The following ZFP1 variants were observed in gnomAD, a reference collection of about 807,000 sequenced individuals.
ZFP1 encodes the protein zinc finger protein 1 homolog.
ZFP1 carries 32 observed loss-of-function variants against 38.5 expected under a neutral mutation model. The ratio of observed to expected loss-of-function variants is 0.83; its 90% confidence interval spans 0.63 to 1.12. The LOEUF (loss-of-function observed/expected upper bound fraction) is 1.12, where lower values mean the gene tolerates loss of function less well. ZFP1 is among the 50% of genes most tolerant of loss of function. The pLI, the probability that ZFP1 is intolerant of heterozygous loss-of-function variation, is 0.00. For synonymous variants in ZFP1, 245 were observed against 168.8 expected, an observed-to-expected ratio of 1.45 and a Z score of -3.50; for missense variants, 616 against 480.8, an observed-to-expected ratio of 1.28 and a Z score of -2.63.
chr16:75,169,948 A>G lies in ZFP1; in HGVS notation c.838A>G (p.Lys280Glu). 1.2e-6 allele frequency: 2 copies of G among 1,614,198 alleles called. No homozygotes were observed. Among genetic ancestry groups the G allele is most frequent in the Non-Finnish European group, 1.7e-6 (2 of 1,180,030 alleles). The part of the protein sequence containing the change: ...CSECGKTFAQ[K>E]FELTTHQRIH... ...TGAATGTGGAAAGACATTTGCCCAAAAGTTTGAACTCACCACACACCAGAG... is the reference window on the plus strand; with the variant it reads ...TGAATGTGGAAAGACATTTGCCCAAGAGTTTGAACTCACCACACACCAGAG... Residue 280 changes from lysine to glutamate, a missense_variant, in exon 4 of 4, where the codon AAG becomes GAG. Physicochemically the swap from Lys to Glu is moderately conservative, Grantham distance 56. Coordinates refer to ENST00000570010, the MANE Select transcript of ZFP1 (RefSeq NM_153688.4).
chr16:75,132,163 A>G, the ZFP1 span, among the ~76,000 whole-genome samples: 67,610 of 151,696 alleles, frequency 0.45, 15,545 homozygotes, highest in Middle Eastern at 0.56. Context: ...CAAGGCGGGG[A>G]GATCACTTGA....
chr16:75,158,021 T>C (rs1267979605), intron 2 of ZFP1, among the ~76,000 whole-genome samples: 1 of 151,888 alleles, frequency 6.6e-6, no homozygotes, highest in Non-Finnish European at 1.5e-5. Flanking sequence ...CCCCTAGGCT[T>C]ACGAGATCTG....
At position 75,170,704 on chromosome 16, in the gene ZFP1, C is replaced by G. The variant is rs2038378302; in HGVS notation, c.*370C>G. ...AAAACACAAGTGGTATGCTTTAGAT[C>G]TGCACATGTGAATTTAGCATAATCA... On this transcript the variant is annotated 3_prime_UTR_variant, in exon 4 of 4. Coordinates refer to ENST00000570010, the MANE Select transcript of ZFP1 (RefSeq NM_153688.4). 1.2e-5 allele frequency: 2 copies of G among 173,526 alleles called. No individual in the cohort carries two copies. Among genetic ancestry groups the G allele is most frequent in the Non-Finnish European group, 2.4e-5 (2 of 81,914 alleles). The allele number at this position is 173,526 out of a possible 1,614,324, so 10.7% of individuals were successfully genotyped here.
At chr16:75,158,844 A>G (rs369487906) in intron 2 of ZFP1, among the ~76,000 whole-genome samples, 2 of 150,902 alleles carry the variant, frequency 1.3e-5, no homozygotes, top group African/African-American at 4.9e-5. Flanking sequence ...AAACTAATAT[A>G]TAGGTACTGT....
the ZFP1 span, among the ~76,000 whole-genome samples, chr16:75,135,569 C>T: frequency 1.3e-5 from 2 of 152,144 alleles, no homozygotes; most frequent in African/African-American, 4.8e-5. Context: ...GAGTTCAAAG[C>T]TGTCCTCGAG....
chr16:75,136,430 C>G, the ZFP1 span, among the ~76,000 whole-genome samples: 1 of 152,152 alleles, frequency 6.6e-6, no homozygotes, highest in Non-Finnish European at 1.5e-5. Context: ...TGGTAGGAGC[C>G]AGGCTTCTCA....
the ZFP1 span, among the ~76,000 whole-genome samples, chr16:75,135,055 A>AG: frequency 1.3e-4 from 12 of 95,208 alleles, no homozygotes; most frequent in South Asian, 4.8e-4. Flanking sequence ...ACTCCATCTC[A>AG]AAAAAAAAAC....
At chr16:75,163,316 G>GT (rs975055344) in intron 2 of ZFP1, among the ~76,000 whole-genome samples, 9 of 148,274 alleles carry the variant, frequency 6.1e-5, no homozygotes, top group African/African-American at 2.0e-4. Context: ...GTTTTGTTTT[G>GT]TTTTTTTGAG....
At chr16:75,157,789 C>A (rs1035777712) in intron 2 of ZFP1, among the ~76,000 whole-genome samples, 1 of 151,914 alleles carries the variant, frequency 6.6e-6, no homozygotes, top group Non-Finnish European at 1.5e-5. Context: ...CCTACCTCTT[C>A]TGGGTTGGTT....
the ZFP1 span, among the ~76,000 whole-genome samples, chr16:75,123,009 T>C: frequency 3.4e-3 from 512 of 152,320 alleles, 2 homozygotes; most frequent in African/African-American, 0.012. Context: ...CTCATAATTT[T>C]GAATCTAAAG....
chr16:75,140,784 C>A, the ZFP1 span, among the ~76,000 whole-genome samples: 117 of 152,282 alleles, frequency 7.7e-4, no homozygotes, highest in South Asian at 3.1e-3. Context: ...GCGGTGAAAC[C>A]CCGTCTCTAC....
the ZFP1 span, among the ~76,000 whole-genome samples, chr16:75,138,766 G>A: frequency 6.6e-6 from 1 of 152,216 alleles, no homozygotes; most frequent in Non-Finnish European, 1.5e-5. Context: ...AAGAAGCATG[G>A]CAGGCTGCCC....
chr16:75,168,111 C>A (rs2038199480), intron 3 of ZFP1, among the ~76,000 whole-genome samples: 1 of 152,118 alleles, frequency 6.6e-6, no homozygotes, highest in Non-Finnish European at 1.5e-5. Context: ...CCTGCCTTGG[C>A]CTCCCAAAGT....
rs368243920 is a variant in ZFP1, at chr16:75,166,920, C to T, written c.142+24C>T. 5 of 1,609,278 alleles carry T rather than the reference C, an allele frequency of 3.1e-6. No homozygotes were observed. In the African/African-American group the frequency reaches 4.0e-5, roughly 13 times the overall value. On this transcript the variant is annotated intron_variant, in intron 3 of 3. Coordinates refer to ENST00000570010, the MANE Select transcript of ZFP1 (RefSeq NM_153688.4). ...GGGTAAGGACGGTTTTCAGGTACAG[C>T]TCACCATGTGCCTAGAGGTATTTAT...
At chr16:75,157,678 A>T (rs972618758) in intron 2 of ZFP1, among the ~76,000 whole-genome samples, 2 of 152,200 alleles carry the variant, frequency 1.3e-5, no homozygotes, top group Non-Finnish European at 2.9e-5. Flanking sequence ...ATGTGTGCAC[A>T]CATATGATTC....
At chr16:75,127,414 T>C in the ZFP1 span, among the ~76,000 whole-genome samples, 1 of 151,964 alleles carries the variant, frequency 6.6e-6, no homozygotes, top group African/African-American at 2.4e-5. Flanking sequence ...AGCATGAGCA[T>C]GAAGAGGGAA....
Position 75,166,498 on chromosome 16 carries a change from G to A in ZFP1, c.16-272G>A, listed in dbSNP as rs1245366969. The A allele has an allele frequency of 8.2e-6, 8 of 977,126 alleles. No homozygotes were observed. The East Asian group carries it at 9.1e-4, about 111-fold the overall frequency. The allele number at this position is 977,126 out of a possible 1,614,324, so 60.5% of individuals were successfully genotyped here. A position where few individuals can be genotyped will look rare whatever the true frequency, so the allele number is the denominator to read the frequency against. On this transcript the variant is annotated intron_variant, in intron 2 of 3. Transcript: ENST00000570010. ...GCCCACCTAGCCTCCCAAAGTGCTG[G>A]GATTACAGGTGTGAGCCACTATGCC...
the ZFP1 span, among the ~76,000 whole-genome samples, chr16:75,137,757 C>T: frequency 2.0e-5 from 3 of 151,998 alleles, no homozygotes; most frequent in African/African-American, 2.4e-5. Flanking sequence ...TGAGCCAACA[C>T]GCCCGGCCCC....
In ZFP1 at chr16:75,166,591, C is replaced by A. The variant is rs1400556191; in HGVS notation, c.16-179C>A. The A allele has an allele frequency of 8.1e-6, 8 of 984,988 alleles. No homozygotes were observed. The Admixed American group carries it at 2.5e-4, about 30-fold the overall frequency. 61.0% of individuals were successfully genotyped at this position (984,988 alleles called of 1,614,324 possible). ...GACAGTGCCAGAGATATAGGGGAATCTGAATAAATCTCAACTATTTATAAA... is the reference window on the plus strand; with the variant it reads ...GACAGTGCCAGAGATATAGGGGAATATGAATAAATCTCAACTATTTATAAA... On this transcript the variant is annotated intron_variant, in intron 2 of 3. Transcript: ENST00000570010.
Sources: gnomAD v4.1 joint callset for allele counts (sites outside exome capture counted in the v4.1 genomes callset) on GRCh38, gnomAD v4.1.1 for gene constraint, MANE v1.5 for transcripts, NCBI Gene and HGNC (gene_info 2026-07-23, HGNC 2026-07-21) for gene names.